Variants in COX7B2 observed in about 807,000 individuals in gnomAD.
COX7B2 encodes the protein cytochrome c oxidase subunit 7B2, mitochondrial.
For synonymous variants in COX7B2, 37 were observed against 32.1 expected (o/e 1.15, Z -0.51); for missense variants, 109 against 95.9 (o/e 1.14, Z -0.57).
intron 2 of COX7B2, among the ~76,000 whole-genome samples, chr4:46,742,456 C>T (rs1714773304): frequency 6.6e-6 from 1 of 152,118 alleles, no homozygotes; most frequent in Non-Finnish European, 1.5e-5. Context: ...AAAGTGTCCC[C>T]TTTCACAATA....
chr4:46,887,808 C>G (rs1719171225), intron 1 of COX7B2, among the ~76,000 whole-genome samples: 2 of 151,858 alleles, frequency 1.3e-5, no homozygotes, highest in Non-Finnish European at 2.9e-5. Flanking sequence ...CAGTCACTAC[C>G]TGACTATTCC....
At chr4:46,763,030 A>G (rs1412554983) in intron 2 of COX7B2, among the ~76,000 whole-genome samples, 8 of 131,058 alleles carry the variant, frequency 6.1e-5, no homozygotes, top group Non-Finnish European at 1.6e-5. Flanking sequence ...ATAATATAAT[A>G]TAATATATAT....
chr4:46,889,008 T>C (rs1719257220), intron 1 of COX7B2, among the ~76,000 whole-genome samples: 1 of 152,214 alleles, frequency 6.6e-6, no homozygotes, highest in African/African-American at 2.4e-5. Context: ...AAAAGTTAAA[T>C]GCTTGAGGGG....
intron 2 of COX7B2, among the ~76,000 whole-genome samples, chr4:46,740,534 C>T (rs1390107673): frequency 2.0e-5 from 3 of 151,948 alleles, no homozygotes; most frequent in Non-Finnish European, 2.9e-5. Context: ...CCAAACGTAA[C>T]TCAAGTTTGA....
At chr4:46,875,774 T>G (rs1159440681) in intron 1 of COX7B2, among the ~76,000 whole-genome samples, 1 of 151,772 alleles carries the variant, frequency 6.6e-6, no homozygotes, top group East Asian at 2.0e-4. Context: ...GTGACTTTCC[T>G]AATGTTCTCT....
intron 2 of COX7B2, among the ~76,000 whole-genome samples, chr4:46,825,804 C>T (rs557659493): frequency 1.1e-3 from 170 of 152,136 alleles, no homozygotes; most frequent in African/African-American, 3.6e-3. Flanking sequence ...CAATAAATGG[C>T]GCTGGGATAA....
intron 2 of COX7B2, among the ~76,000 whole-genome samples, chr4:46,793,906 G>A (rs1420123568): frequency 6.6e-6 from 1 of 152,158 alleles, no homozygotes; most frequent in Non-Finnish European, 1.5e-5. Context: ...AGTGAAATTG[G>A]TCTCCCCCCT....
At chr4:46,862,932 G>A (rs1386694244) in intron 1 of COX7B2, among the ~76,000 whole-genome samples, 6 of 152,114 alleles carry the variant, frequency 3.9e-5, no homozygotes, top group Non-Finnish European at 8.8e-5. Context: ...GGACGTATGG[G>A]TCATTTCCAA....
intron 1 of COX7B2, among the ~76,000 whole-genome samples, chr4:46,845,914 G>A (rs1421737071): frequency 6.6e-6 from 1 of 151,970 alleles, no homozygotes; most frequent in African/African-American, 2.4e-5. Context: ...GTGGTGTTGA[G>A]GTTCTTTGTG....
intron 1 of COX7B2, among the ~76,000 whole-genome samples, chr4:46,889,864 T>A (rs190151006): frequency 9.9e-4 from 151 of 151,864 alleles, no homozygotes; most frequent in African/African-American, 3.3e-3. Context: ...TTCCAAGGAG[T>A]TGAATTTTTG....
At chr4:46,887,710 C>CA (rs564556459) in intron 1 of COX7B2, among the ~76,000 whole-genome samples, 2,463 of 40,432 alleles carry the variant, frequency 0.061, 98 homozygotes, top group African/African-American at 0.14. Context: ...GACTCCTTCT[C>CA]AAAAAAAAAA....
chr4:46,860,976 G>A (rs1351269365), intron 1 of COX7B2, among the ~76,000 whole-genome samples: 1 of 152,132 alleles, frequency 6.6e-6, no homozygotes, highest in Non-Finnish European at 1.5e-5. Context: ...CAATACCCAG[G>A]TGCTGCAGGT....
chr4:46,748,796 T>C lies in COX7B2; in HGVS notation c.-49-13555A>G, dbSNP rs565883746. The stretch of plus-strand genomic sequence containing the variant: ...TCATCTTCTAACAAATTCTTAGAAG[T>C]AGGAGTTCTTCAGGGTTCACTCATA... On this transcript the variant is annotated intron_variant, in intron 2 of 2. Transcript: ENST00000355591. Among the ~76,000 whole-genome samples the C allele has an allele frequency of 5.3e-5, 8 of 152,300 alleles. No individual in the cohort carries two copies. In the East Asian group the frequency reaches 1.2e-3, roughly 22 times the overall value.
intron 2 of COX7B2, among the ~76,000 whole-genome samples, chr4:46,813,899 A>C (rs1011546235): frequency 6.6e-6 from 1 of 152,198 alleles, no homozygotes; most frequent in African/African-American, 2.4e-5. Context: ...TCTCAAAAGG[A>C]GACATACAAG....
At chr4:46,743,813 T>A (rs369606091) in intron 2 of COX7B2, among the ~76,000 whole-genome samples, 1 of 152,188 alleles carries the variant, frequency 6.6e-6, no homozygotes, top group Non-Finnish European at 1.5e-5. Context: ...CAGAACACAA[T>A]TAGGGGAAAA....
At chr4:46,811,794 G>A (rs758365705) in intron 2 of COX7B2, among the ~76,000 whole-genome samples, 1 of 152,136 alleles carries the variant, frequency 6.6e-6, no homozygotes, top group Admixed American at 6.6e-5. Context: ...TTCATAGGGG[G>A]AGACTTTCAC....
rs112827997 is a variant in COX7B2, at chr4:46,746,351, T to G, written c.-49-11110A>C. ...GAGCCAAACTCATATATGTGTTTTC[T>G]AATGAAAAGAAATTATAAAAGTGGC... On this transcript the variant is annotated intron_variant, in intron 2 of 2. Transcript: ENST00000355591. 3.1e-3 allele frequency among the ~76,000 whole-genome samples: 474 copies of G among 152,330 alleles called. 4 individuals carry two copies. Among genetic ancestry groups the G allele is most frequent in the African/African-American group, 0.011 (443 of 41,572 alleles).
intron 2 of COX7B2, among the ~76,000 whole-genome samples, chr4:46,839,562 T>G (rs756722916): frequency 1.4e-4 from 22 of 152,036 alleles, no homozygotes; most frequent in Admixed American, 2.6e-4. Flanking sequence ...GAATTAGTCC[T>G]GTCCAGGCTG....
intron 1 of COX7B2, among the ~76,000 whole-genome samples, chr4:46,871,349 GATTAA>G (rs1402512422): frequency 6.6e-6 from 1 of 152,036 alleles, no homozygotes; most frequent in Non-Finnish European, 1.5e-5. Context: ...ACTAAATATG[GATTAA>G]ATTAAACGTA....
Sources: allele counts gnomAD v4.1 joint callset (sites outside exome capture counted in the v4.1 genomes callset), GRCh38; gene constraint gnomAD v4.1.1; transcripts MANE v1.5; gene names NCBI Gene and HGNC (gene_info 2026-07-23, HGNC 2026-07-21).